The following CCDC178 variants were observed in gnomAD, a reference collection of about 807,000 sequenced individuals.
CCDC178 encodes the protein coiled-coil domain containing 178, also known as coiled-coil domain-containing protein 178.
A neutral mutation model predicts 117.4 loss-of-function variants in CCDC178; 126 were observed. The observed-to-expected ratio is 1.07, with a 90% CI of 0.93 to 1.24. The LOEUF (loss-of-function observed/expected upper bound fraction) is 1.24. CCDC178 is among the 50% of genes most tolerant of loss of function. The probability of loss-of-function intolerance (pLI) is 0.00; values close to 1 mark genes in which losing one functional copy is unlikely to be tolerated. For missense variants in CCDC178, 1,030 were observed against 986.9 expected, an observed-to-expected ratio of 1.04 and a Z score of -0.59; for synonymous variants, 283 against 313.4, an observed-to-expected ratio of 0.90 and a Z score of 1.02.
intron 3 of CCDC178, among the ~76,000 whole-genome samples, chr18:33,403,006 G>A (rs918362000): frequency 7.2e-5 from 11 of 152,174 alleles, no homozygotes; most frequent in African/African-American, 2.7e-4. Flanking sequence ...TTGAGAACTA[G>A]TGCAATAGAC....
intron 3 of CCDC178, among the ~76,000 whole-genome samples, chr18:33,401,334 A>C (rs1355830744): frequency 2.0e-5 from 3 of 152,184 alleles, no homozygotes; most frequent in African/African-American, 4.8e-5. Flanking sequence ...AAACAAAACA[A>C]AACACAGGAT....
intron 20 of CCDC178, among the ~76,000 whole-genome samples, chr18:33,149,325 G>A (rs57008178): frequency 6.6e-6 from 1 of 152,186 alleles, no homozygotes; most frequent in Admixed American, 6.5e-5. Context: ...AGGAGATTAA[G>A]AAGAGAGTCA....
chr18:33,277,681 T>C (rs2059966907), intron 12 of CCDC178, among the ~76,000 whole-genome samples: 3 of 152,192 alleles, frequency 2.0e-5, no homozygotes, highest in Admixed American at 2.0e-4. Context: ...AGTTTCTATG[T>C]GGCCCCCTCC....
At chr18:33,207,903 AC>A (rs1397144633) in intron 20 of CCDC178, among the ~76,000 whole-genome samples, 1 of 151,938 alleles carries the variant, frequency 6.6e-6, no homozygotes, top group Non-Finnish European at 1.5e-5. Flanking sequence ...TTTAGGAATC[AC>A]CCATATCCAC....
At chr18:33,316,467 C>A (rs12960571) in intron 11 of CCDC178, among the ~76,000 whole-genome samples, 2 of 151,796 alleles carry the variant, frequency 1.3e-5, no homozygotes, top group African/African-American at 4.8e-5. Context: ...CCGCACCCCT[C>A]CCCCCACACG....
chr18:33,241,429 C>CGTGT lies in CCDC178; in HGVS notation c.1593+3812_1593+3815dup, dbSNP rs60878431. The stretch of plus-strand genomic sequence containing the variant: ...TGACCCTCTTTGCAGATTATATGAT[C>CGTGT]GTGTGTGTGTGTGTGTGTGTGTGTG... On this transcript the variant is annotated intron_variant, in intron 15 of 22. Transcript: ENST00000383096. Among the ~76,000 whole-genome samples the CGTGT allele has an allele frequency of 3.8e-3, 557 of 145,002 alleles. 4 individuals carry two copies. The highest frequency in any genetic ancestry group is 0.012 in the African/African-American group (471 of 39,514).
chr18:33,045,295 A>G (rs976631423), intron 21 of CCDC178, among the ~76,000 whole-genome samples: 1 of 152,210 alleles, frequency 6.6e-6, no homozygotes, highest in Non-Finnish European at 1.5e-5. Context: ...TGTAGTGCTT[A>G]ATATATGACC....
At chr18:33,277,700 G>T (rs2059967209) in intron 12 of CCDC178, among the ~76,000 whole-genome samples, 1 of 152,106 alleles carries the variant, frequency 6.6e-6, no homozygotes, top group Non-Finnish European at 1.5e-5. Context: ...CCATCTTCAA[G>T]TCAGCAATGA....
At chr18:33,417,391 AC>A (rs1450509828) in intron 2 of CCDC178, among the ~76,000 whole-genome samples, 1 of 152,236 alleles carries the variant, frequency 6.6e-6, no homozygotes, top group African/African-American at 2.4e-5. Context: ...TAACATAATT[AC>A]AGAGTGGGAG....
rs187691257 is a variant in CCDC178 at position 33,169,130 on chromosome 18, C to T, written c.2238+42766G>A. Among the ~76,000 whole-genome samples, 7 of 152,248 alleles carry T rather than the reference C, an allele frequency of 4.6e-5. No individual in the cohort carries two copies. The East Asian group carries it at 5.8e-4, about 13-fold the overall frequency. The stretch of plus-strand genomic sequence containing the variant: ...CATATCTAAAACTGCAGGTAAGTTA[C>T]GGAAATTTGCAAAGAGAATACACTC... On this transcript the variant is annotated intron_variant, in intron 20 of 22. Transcript: ENST00000383096.
intron 21 of CCDC178, among the ~76,000 whole-genome samples, chr18:33,015,239 G>C (rs1334962660): frequency 6.9e-6 from 1 of 144,490 alleles, no homozygotes; most frequent in Non-Finnish European, 1.5e-5. Flanking sequence ...CTGGGTGACA[G>C]AGCAAGATTC....
chr18:33,096,281 G>T (rs1190520049), intron 20 of CCDC178, among the ~76,000 whole-genome samples: 1 of 138,370 alleles, frequency 7.2e-6, no homozygotes, highest in African/African-American at 2.7e-5. Flanking sequence ...GGAAAAAAAT[G>T]TAAAAATATA....
At chr18:33,242,879 A>G (rs1253696585) in intron 15 of CCDC178, among the ~76,000 whole-genome samples, 3 of 151,920 alleles carry the variant, frequency 2.0e-5, no homozygotes, top group African/African-American at 7.2e-5. Context: ...GGAGTACTGT[A>G]TCATCCTGCA....
chr18:33,030,921 C>T (rs546524524), intron 21 of CCDC178, among the ~76,000 whole-genome samples: 79 of 152,204 alleles, frequency 5.2e-4, no homozygotes, highest in Middle Eastern at 3.4e-3. Context: ...ATGGCTCAGT[C>T]CAAGCCTGAA....
At chr18:33,349,118 T>C (rs1003911566) in intron 7 of CCDC178, 143 bp from the exon 8 acceptor site, 47 of 513,950 alleles carry the variant, frequency 9.1e-5, no homozygotes, top group Non-Finnish European at 1.3e-4. Context: ...GAGACTAATA[T>C]AGCAAAATTC....
chr18:33,015,000 A>G (rs998098347), intron 21 of CCDC178, among the ~76,000 whole-genome samples: 11 of 152,206 alleles, frequency 7.2e-5, no homozygotes, highest in Non-Finnish European at 7.4e-5. Context: ...TCACACCTGT[A>G]ATCCCAGCAC....
intron 2 of CCDC178, among the ~76,000 whole-genome samples, chr18:33,420,698 T>C (rs993413342): frequency 6.6e-6 from 1 of 152,114 alleles, no homozygotes; most frequent in African/African-American, 2.4e-5. Context: ...AATATGCTTA[T>C]TACCGTGATG....
intron 4 of CCDC178, among the ~76,000 whole-genome samples, chr18:33,396,049 T>C (rs566764463): frequency 6.6e-6 from 1 of 152,096 alleles, no homozygotes; most frequent in East Asian, 1.9e-4. Flanking sequence ...AGTTAACATA[T>C]GTGACTGATT....
chr18:33,272,428 A>G (rs1249937637), intron 12 of CCDC178, among the ~76,000 whole-genome samples: 1 of 151,620 alleles, frequency 6.6e-6, no homozygotes, highest in Non-Finnish European at 1.5e-5. Context: ...TCACAAAGAT[A>G]AGCCTGAACC....
Sources: allele counts gnomAD v4.1 joint callset (sites outside exome capture counted in the v4.1 genomes callset), GRCh38; gene constraint gnomAD v4.1.1; transcripts MANE v1.5; gene names NCBI Gene and HGNC (gene_info 2026-07-23, HGNC 2026-07-21).